RABGEF1: variants seen among roughly 807,000 people sequenced by gnomAD.
RABGEF1 encodes rab5 GDP/GTP exchange factor.
Under a neutral mutation model 57.3 loss-of-function variants are expected in RABGEF1, and 26 were observed. The ratio of observed to expected loss-of-function variants is 0.45; its 90% CI spans 0.33 to 0.63. The LOEUF (loss-of-function observed/expected upper bound fraction) is 0.63, where lower values mean the gene tolerates loss of function less well. Among genes scored for constraint, RABGEF1 ranks in the 20% least tolerant of loss-of-function variants. The probability of loss-of-function intolerance (pLI) is 0.02; values close to 1 mark genes in which losing one functional copy is unlikely to be tolerated. For missense variants in RABGEF1, 464 were observed against 607.6 expected (o/e 0.76, Z 2.48); for synonymous variants, 185 against 210.7 (o/e 0.88, Z 1.06).
intron 1 of RABGEF1, among the ~76,000 whole-genome samples, chr7:66,741,234 C>G (rs1411754245): frequency 1.3e-5 from 2 of 152,290 alleles, no homozygotes; most frequent in Non-Finnish European, 2.9e-5. Context: ...ATGGGACGCT[C>G]GGACCCAGAC....
intron 1 of RABGEF1, among the ~76,000 whole-genome samples, chr7:66,703,629 T>TC (rs1472948051): frequency 6.6e-6 from 1 of 152,226 alleles, no homozygotes; most frequent in Non-Finnish European, 1.5e-5. Flanking sequence ...GCTTTTTTTT[T>TC]CTGGAACTCT....
intron 1 of RABGEF1, among the ~76,000 whole-genome samples, chr7:66,698,761 T>A (rs1792742589): frequency 6.6e-6 from 1 of 152,224 alleles, no homozygotes; most frequent in Admixed American, 6.5e-5. Context: ...TGGGTGGGTC[T>A]GACTCTGCCA....
intron 5 of RABGEF1, 68 bp from the exon 6 acceptor site, chr7:66,797,306 C>CAA (rs368106136): frequency 0.081 from 77,074 of 946,136 alleles, 1,419 homozygotes; most frequent in East Asian, 0.11. Context: ...TCTTTGTTTG[C>CAA]AAAAAAAAAA....
At chr7:66,656,532 G>T in the RABGEF1 span, among the ~76,000 whole-genome samples, 2 of 152,232 alleles carry the variant, frequency 1.3e-5, no homozygotes, top group Admixed American at 1.3e-4. Context: ...GTTAAAATGG[G>T]TCTCTCTGGC....
chr7:66,739,429 C>A (rs564722891), upstream of RABGEF1, among the ~76,000 whole-genome samples: 3 of 150,388 alleles, frequency 2.0e-5, no homozygotes, highest in South Asian at 6.4e-4. Flanking sequence ...CCAAGGTGGG[C>A]GGATCACTTG....
At chr7:66,760,480 ATTGCC>A (rs1180799702) in intron 1 of RABGEF1, among the ~76,000 whole-genome samples, 2 of 131,264 alleles carry the variant, frequency 1.5e-5, no homozygotes, top group Non-Finnish European at 3.1e-5. Flanking sequence ...GTCTCGCTCT[ATTGCC>A]TAGGCTGGAG....
intron 2 of RABGEF1, among the ~76,000 whole-genome samples, chr7:66,715,224 C>T (rs1189023802): frequency 6.6e-6 from 1 of 152,068 alleles, no homozygotes; most frequent in African/African-American, 2.4e-5. Flanking sequence ...AACTCATGGG[C>T]TCAAGTGATT....
intron 1 of RABGEF1, among the ~76,000 whole-genome samples, chr7:66,683,100 T>C (rs1169997800): frequency 2.0e-5 from 3 of 152,198 alleles, no homozygotes; most frequent in Non-Finnish European, 4.4e-5. Context: ...GTTTTTGGCT[T>C]GGAGAGCTAC....
intron 6 of RABGEF1, 52 bp from the exon 7 acceptor site, chr7:66,799,271 A>G (rs1786740979): frequency 2.0e-6 from 3 of 1,471,134 alleles, no homozygotes; most frequent in South Asian, 2.3e-5. Flanking sequence ...TGACAAGACA[A>G]ATGGCCACAG....
At chr7:66,685,860 T>A (rs1328502514) in intron 1 of RABGEF1, among the ~76,000 whole-genome samples, 3 of 152,210 alleles carry the variant, frequency 2.0e-5, no homozygotes, top group Non-Finnish European at 4.4e-5. Flanking sequence ...TTTTATTGGC[T>A]GCAGAGCAAA....
intron 1 of RABGEF1, among the ~76,000 whole-genome samples, chr7:66,757,112 A>C (rs987296496): frequency 6.6e-6 from 1 of 152,256 alleles, no homozygotes; most frequent in Admixed American, 6.5e-5. Flanking sequence ...GTAAACTTAC[A>C]CATTTTGGAA....
At chr7:66,663,167 C>G in the RABGEF1 span, among the ~76,000 whole-genome samples, 1 of 152,256 alleles carries the variant, frequency 6.6e-6, no homozygotes, top group Non-Finnish European at 1.5e-5. Flanking sequence ...TTTAATTCAG[C>G]CCATCCCTTC....
chr7:66,738,754 C>T (rs892078111), upstream of RABGEF1, among the ~76,000 whole-genome samples: 2 of 129,442 alleles, frequency 1.5e-5, no homozygotes, highest in African/African-American at 5.3e-5. Context: ...AAAAAAGAAA[C>T]ACTCATTCTG....
At chr7:66,691,391 G>T (rs1791493015) in intron 1 of RABGEF1, among the ~76,000 whole-genome samples, 1 of 152,150 alleles carries the variant, frequency 6.6e-6, no homozygotes, top group Non-Finnish European at 1.5e-5. Flanking sequence ...GTACCCAGAA[G>T]AGTGGAAAAT....
chr7:66,720,198 T>A (rs1260176275), intron 2 of RABGEF1, among the ~76,000 whole-genome samples: 506 of 134,104 alleles, frequency 3.8e-3, no homozygotes, highest in African/African-American at 8.4e-3. Context: ...ATTATTATTT[T>A]TTTTTTTTTT....
intron 3 of RABGEF1, among the ~76,000 whole-genome samples, chr7:66,781,247 C>T (rs1346656772): frequency 6.6e-6 from 1 of 151,600 alleles, no homozygotes; most frequent in Non-Finnish European, 1.5e-5. Flanking sequence ...ACTTACCTAC[C>T]TTCAAGTAGT....
At position 66,775,233 on chromosome 7, in the gene RABGEF1, G is replaced by A; in HGVS notation, c.186G>A (p.Gln62=). Residue 62 remains glutamine (Q), a synonymous_variant, in exon 3 of 9, where the codon CAG becomes CAA. Coordinates refer to ENST00000284957, the MANE Select transcript of RABGEF1 (RefSeq NM_014504.3). ...QEDWELAERL[Q]REEEEAFASS... ...ATCCTCTCTTGAATTGCAGACTCCA[G>A]CGGGAGGAAGAAGAGGCCTTTGCCA... The A allele has an allele frequency of 6.2e-7, 1 of 1,612,508 alleles. No individual in the cohort carries two copies. Among genetic ancestry groups the A allele is most frequent in the South Asian group, 1.1e-5 (1 of 90,974 alleles).
chr7:66,658,056 A>G, the RABGEF1 span, among the ~76,000 whole-genome samples: 3 of 152,198 alleles, frequency 2.0e-5, no homozygotes, highest in Non-Finnish European at 4.4e-5. Flanking sequence ...AAGAAACACA[A>G]GAAGACTCAA....
intron 1 of RABGEF1, among the ~76,000 whole-genome samples, chr7:66,743,524 C>T (rs1290408669): frequency 6.6e-6 from 1 of 151,632 alleles, no homozygotes; most frequent in Non-Finnish European, 1.5e-5. Flanking sequence ...TTTTTTGATA[C>T]GGAATCTGGC....
Sources: allele counts gnomAD v4.1 joint callset (sites outside exome capture counted in the v4.1 genomes callset), GRCh38; gene constraint gnomAD v4.1.1; transcripts MANE v1.5; gene names NCBI Gene and HGNC (gene_info 2026-07-23, HGNC 2026-07-21).